PABPC4L: variants seen among roughly 807,000 people sequenced by gnomAD.
The protein encoded by PABPC4L is polyadenylate-binding protein 4-like.
For missense variants in PABPC4L, 452 were observed against 451.4 expected, an observed-to-expected ratio of 1.00 and a Z score of -0.01; for synonymous variants, 169 against 164.1, an observed-to-expected ratio of 1.03 and a Z score of -0.23.
chr4:134,191,132 T>C, the PABPC4L span, among the ~76,000 whole-genome samples: 9 of 152,194 alleles, frequency 5.9e-5, no homozygotes, highest in South Asian at 2.1e-4. Flanking sequence ...TTATGGCTTA[T>C]TATTGGGTAT....
the PABPC4L span, among the ~76,000 whole-genome samples, chr4:134,186,424 A>G: frequency 1.3e-5 from 2 of 152,170 alleles, no homozygotes; most frequent in Non-Finnish European, 1.5e-5. Flanking sequence ...CAAACCTGAC[A>G]AAAACAAGAA....
chr4:134,190,389 T>C, the PABPC4L span, among the ~76,000 whole-genome samples: 1 of 152,106 alleles, frequency 6.6e-6, no homozygotes, highest in Non-Finnish European at 1.5e-5. Context: ...AACAGACTTG[T>C]ATAGGTACCC....
the PABPC4L span, among the ~76,000 whole-genome samples, chr4:134,177,125 A>T: frequency 6.6e-6 from 1 of 151,206 alleles, no homozygotes; most frequent in African/African-American, 2.4e-5. Flanking sequence ...CACCACTGAT[A>T]ACTACATGGA....
At chr4:134,069,988 G>T in the PABPC4L span, among the ~76,000 whole-genome samples, 38 of 108,302 alleles carry the variant, frequency 3.5e-4, no homozygotes, top group African/African-American at 1.1e-3. Context: ...CCTTTGGAGG[G>T]TTTTTTTTTT....
At chr4:134,114,346 C>A in the PABPC4L span, among the ~76,000 whole-genome samples, 1 of 151,718 alleles carries the variant, frequency 6.6e-6, no homozygotes, top group East Asian at 2.0e-4. Flanking sequence ...GGCTCATGCA[C>A]CTAGAAGGTT....
chr4:134,114,609 C>G, the PABPC4L span, among the ~76,000 whole-genome samples: 1 of 151,764 alleles, frequency 6.6e-6, no homozygotes, highest in Non-Finnish European at 1.5e-5. Flanking sequence ...CTACCAGACA[C>G]TTGATCTTGC....
At chr4:134,139,017 C>G in the PABPC4L span, among the ~76,000 whole-genome samples, 313 of 151,926 alleles carry the variant, frequency 2.1e-3, 1 homozygote, top group African/African-American at 6.9e-3. Context: ...ATTTCATTTA[C>G]AATATCATTA....
chr4:134,174,471 A>G, the PABPC4L span, among the ~76,000 whole-genome samples: 1 of 152,170 alleles, frequency 6.6e-6, no homozygotes, highest in Non-Finnish European at 1.5e-5. Flanking sequence ...AAGACAGATG[A>G]GTAAGCCTTG....
chr4:134,117,470 G>A, the PABPC4L span, among the ~76,000 whole-genome samples: 1 of 151,720 alleles, frequency 6.6e-6, no homozygotes, highest in Non-Finnish European at 1.5e-5. Flanking sequence ...TCCAGCTGTA[G>A]CAGCCATCTA....
the PABPC4L span, among the ~76,000 whole-genome samples, chr4:134,152,286 A>G: frequency 6.6e-6 from 1 of 152,172 alleles, no homozygotes; most frequent in African/African-American, 2.4e-5. Flanking sequence ...AGTGTTAAGA[A>G]TATGTTACAT....
At chr4:133,973,702 C>A in the PABPC4L span, among the ~76,000 whole-genome samples, 2 of 152,122 alleles carry the variant, frequency 1.3e-5, no homozygotes, top group African/African-American at 4.8e-5. Context: ...AAACACCACT[C>A]AGTTTATCTT....
At chr4:134,062,052 A>G in the PABPC4L span, among the ~76,000 whole-genome samples, 41 of 152,032 alleles carry the variant, frequency 2.7e-4, no homozygotes, top group Admixed American at 8.5e-4. Flanking sequence ...CTAATGGAAT[A>G]TCATATGATT....
chr4:134,013,147 T>C, the PABPC4L span, among the ~76,000 whole-genome samples: 4 of 151,814 alleles, frequency 2.6e-5, no homozygotes, highest in African/African-American at 9.7e-5. Context: ...CCTTCTCCGC[T>C]TTTCTAGGGG....
At chr4:134,072,520 A>C in the PABPC4L span, among the ~76,000 whole-genome samples, 2 of 152,204 alleles carry the variant, frequency 1.3e-5, no homozygotes, top group Non-Finnish European at 2.9e-5. Flanking sequence ...ACATTTTATA[A>C]CAACCTGCAA....
the PABPC4L span, among the ~76,000 whole-genome samples, chr4:134,174,690 T>G: frequency 6.6e-6 from 1 of 152,194 alleles, no homozygotes; most frequent in Non-Finnish European, 1.5e-5. Flanking sequence ...GTGTCTGCGG[T>G]TTTTCCCTTT....
At chr4:134,013,770 T>C in the PABPC4L span, among the ~76,000 whole-genome samples, 2 of 151,964 alleles carry the variant, frequency 1.3e-5, no homozygotes, top group Non-Finnish European at 2.9e-5. Context: ...CAACCCCAAG[T>C]GTCACTAAGT....
chr4:134,164,440 T>C, the PABPC4L span, among the ~76,000 whole-genome samples: 1 of 152,052 alleles, frequency 6.6e-6, no homozygotes. Flanking sequence ...ACTCAAGCTA[T>C]AAAATCCATG....
the PABPC4L span, among the ~76,000 whole-genome samples, chr4:134,172,170 T>C: frequency 6.6e-6 from 1 of 152,210 alleles, no homozygotes; most frequent in East Asian, 1.9e-4. Flanking sequence ...AAAAGTATTC[T>C]AAAATTCACA....
At chr4:134,016,199 G>A in the PABPC4L span, among the ~76,000 whole-genome samples, 7 of 152,110 alleles carry the variant, frequency 4.6e-5, no homozygotes, top group African/African-American at 1.4e-4. Context: ...CTACTGCTCT[G>A]TCCCCCTCCA....
Sources: allele counts gnomAD v4.1 joint callset (sites outside exome capture counted in the v4.1 genomes callset), GRCh38; gene constraint gnomAD v4.1.1; transcripts MANE v1.5; gene names NCBI Gene and HGNC (gene_info 2026-07-23, HGNC 2026-07-21).